GAS7: variants seen among roughly 807,000 people sequenced by gnomAD.
GAS7 encodes growth arrest-specific protein 7.
A neutral mutation model predicts 71.1 loss-of-function variants in GAS7; 28 were observed. The ratio of observed to expected loss-of-function variants is 0.39; its 90% confidence interval spans 0.29 to 0.54. The LOEUF (loss-of-function observed/expected upper bound fraction) is 0.54, where lower values mean the gene tolerates loss of function less well. GAS7 is among the 20% of genes least tolerant of loss of function. GAS7 has a pLI of 0.62. For synonymous variants in GAS7, 258 were observed against 245.8 expected (o/e 1.05, Z -0.46); for missense variants, 436 against 627.8 (o/e 0.69, Z 3.27).
intron 1 of GAS7, among the ~76,000 whole-genome samples, chr17:10,186,952 G>A (rs1327217273): frequency 6.6e-6 from 1 of 152,182 alleles, no homozygotes; most frequent in African/African-American, 2.4e-5. Context: ...CACTGCTCTA[G>A]GTGCGATGAT....
intron 5 of GAS7, among the ~76,000 whole-genome samples, chr17:9,952,622 C>T (rs1464252371): frequency 6.6e-6 from 1 of 152,176 alleles, no homozygotes; most frequent in Non-Finnish European, 1.5e-5. Flanking sequence ...GAACTCCTGA[C>T]CTTCAGGTGA....
chr17:10,178,611 A>G (rs1361446722), intron 1 of GAS7, among the ~76,000 whole-genome samples: 1 of 150,954 alleles, frequency 6.6e-6, no homozygotes, highest in Non-Finnish European at 1.5e-5. Flanking sequence ...CACACATTCT[A>G]ATCAGCATGC....
At position 10,005,044 on chromosome 17, in the gene GAS7, T is replaced by TAC. The variant is rs1567879019; in HGVS notation, c.304+14732_304+14733insGT. Reference sequence around the variant, plus strand: ...CTCTCTCTCTCTATATATACATACATATATATACACATATATGTGTGTATG... The same window carrying TAC: ...CTCTCTCTCTCTATATATACATACATACATATATACACATATATGTGTGTATG... On this transcript the variant is annotated intron_variant, in intron 2 of 13. Coordinates refer to ENST00000432992, the MANE Select transcript of GAS7 (RefSeq NM_201433.2). Among the ~76,000 whole-genome samples the TAC allele has an allele frequency of 3.2e-4, 47 of 145,392 alleles. No homozygotes were observed. In the East Asian group the frequency reaches 5.7e-3, roughly 18 times the overall value.
chr17:9,991,049 C>T (rs1380506489), intron 2 of GAS7, among the ~76,000 whole-genome samples: 1 of 152,194 alleles, frequency 6.6e-6, no homozygotes, highest in Non-Finnish European at 1.5e-5. Context: ...GAGGTACATA[C>T]AGCTCTTAGC....
chr17:10,021,118 G>A (rs2072250408), intron 1 of GAS7, among the ~76,000 whole-genome samples: 1 of 152,158 alleles, frequency 6.6e-6, no homozygotes. Flanking sequence ...TAAGATTGCT[G>A]TGCCTTTTGA....
intron 8 of GAS7, among the ~76,000 whole-genome samples, chr17:9,936,750 T>C (rs2068416731): frequency 6.6e-6 from 1 of 152,220 alleles, no homozygotes; most frequent in South Asian, 2.1e-4. Flanking sequence ...TGTTCCAACA[T>C]ACAGTTTCAG....
At chr17:10,091,552 T>A (rs2073581838) in intron 1 of GAS7, among the ~76,000 whole-genome samples, 1 of 152,096 alleles carries the variant, frequency 6.6e-6, no homozygotes, top group East Asian at 1.9e-4. Context: ...CACACCCAGC[T>A]AATTTTTGTA....
chr17:10,180,630 G>T (rs538457079), intron 1 of GAS7, among the ~76,000 whole-genome samples: 2 of 152,256 alleles, frequency 1.3e-5, no homozygotes, highest in South Asian at 4.1e-4. Flanking sequence ...CATGGAATCT[G>T]AGTTATTTGC....
chr17:10,128,410 C>T (rs182978257), intron 1 of GAS7, among the ~76,000 whole-genome samples: 3 of 152,138 alleles, frequency 2.0e-5, no homozygotes, highest in Middle Eastern at 3.2e-3. Context: ...GACCCACAAA[C>T]CCACAGCCCG....
rs1350462190 is a variant in GAS7 at position 9,913,952 on chromosome 17, TA to T, written c.*3275del. On this transcript the variant is annotated 3_prime_UTR_variant, in exon 14 of 14. Transcript: ENST00000432992. ...GAAATGGAAGGGACATTCTCAAGAA[TA>T]GCCCAGACCCGCCCACTTTGAATAA... 13 of 231,944 alleles carry T rather than the reference TA, an allele frequency of 5.6e-5. No individual in the cohort carries two copies. Among genetic ancestry groups the T allele is most frequent in the Non-Finnish European group, 1.1e-4 (13 of 117,362 alleles). 14.4% of individuals were successfully genotyped at this position (231,944 alleles called of 1,614,324 possible).
At chr17:10,184,751 C>T (rs900043189) in intron 1 of GAS7, among the ~76,000 whole-genome samples, 19 of 152,142 alleles carry the variant, frequency 1.2e-4, no homozygotes, top group African/African-American at 3.1e-4. Context: ...GATCACACTT[C>T]AGTGGATGCT....
chr17:9,941,375 C>G (rs1296636954), intron 7 of GAS7, among the ~76,000 whole-genome samples: 1 of 152,180 alleles, frequency 6.6e-6, no homozygotes, highest in East Asian at 1.9e-4. Flanking sequence ...CAGCATGCAC[C>G]AGACACACGA....
rs531230716 is a variant in GAS7 at position 10,041,171 on chromosome 17, A to AAG, written c.184-21275_184-21274insCT. 1.2e-4 allele frequency among the ~76,000 whole-genome samples: 17 copies of AAG among 145,098 alleles called. No individual in the cohort carries two copies. In the South Asian group the frequency reaches 3.3e-3, roughly 28 times the overall value. On this transcript the variant is annotated intron_variant, in intron 1 of 13. Transcript: ENST00000432992. ...AGCAAGACTGCCTAAAAAAAAAAAAAAAAAAGAAGAAGGTAAAAGCAAAAC... is the reference window on the plus strand; with the variant it reads ...AGCAAGACTGCCTAAAAAAAAAAAAAAGAAAAAGAAGAAGGTAAAAGCAAAAC...
chr17:9,925,240 C>G (rs1309698454), intron 11 of GAS7, among the ~76,000 whole-genome samples: 2 of 152,198 alleles, frequency 1.3e-5, no homozygotes, highest in Non-Finnish European at 2.9e-5. Flanking sequence ...TACCATGCCC[C>G]AGAACTAGCC....
chr17:10,147,104 G>A (rs570549003), intron 1 of GAS7, among the ~76,000 whole-genome samples: 12 of 152,292 alleles, frequency 7.9e-5, no homozygotes, highest in African/African-American at 2.9e-4. Flanking sequence ...CAAGAAAGAA[G>A]CCAAAAGCCC....
At position 10,077,974 on chromosome 17, in the gene GAS7, G is replaced by C. The variant is rs147511165; in HGVS notation, c.184-58077C>G. 1.8e-3 allele frequency among the ~76,000 whole-genome samples: 279 copies of C among 152,272 alleles called. 3 individuals carry two copies. The highest frequency in any genetic ancestry group is 6.6e-3 in the African/African-American group (276 of 41,560). ...AACAGAGCAAATAGATGCTTCTATT[G>C]AGATGAAAAAACAGACCTGATAGAT... On this transcript the variant is annotated intron_variant, in intron 1 of 13. Coordinates refer to ENST00000432992, the MANE Select transcript of GAS7 (RefSeq NM_201433.2).
chr17:10,114,909 A>T (rs1265086315), intron 1 of GAS7, among the ~76,000 whole-genome samples: 1 of 152,164 alleles, frequency 6.6e-6, no homozygotes, highest in Non-Finnish European at 1.5e-5. Flanking sequence ...CATGAGAATG[A>T]TTCTCTGGCA....
intron 2 of GAS7, among the ~76,000 whole-genome samples, chr17:9,983,046 A>C (rs1177048022): frequency 6.6e-6 from 1 of 151,818 alleles, no homozygotes; most frequent in Non-Finnish European, 1.5e-5. Flanking sequence ...CACAAAAATA[A>C]ATATCACCCA....
intron 4 of GAS7, among the ~76,000 whole-genome samples, chr17:9,961,145 C>A (rs1455792475): frequency 6.6e-6 from 1 of 152,210 alleles, no homozygotes; most frequent in Non-Finnish European, 1.5e-5. Context: ...TGAGGTACCT[C>A]TACTTATGGC....
Sources: gnomAD v4.1 joint callset for allele counts (sites outside exome capture counted in the v4.1 genomes callset) on GRCh38, gnomAD v4.1.1 for gene constraint, MANE v1.5 for transcripts, NCBI Gene and HGNC (gene_info 2026-07-23, HGNC 2026-07-21) for gene names.